Variants in CFAP221 observed in about 807,000 individuals in gnomAD.
The protein encoded by CFAP221 is cilia and flagella associated protein 221.
A neutral mutation model predicts 113.1 loss-of-function variants in CFAP221; 97 were observed. The ratio of observed to expected loss-of-function variants is 0.86; its 90% CI spans 0.73 to 1.02. CFAP221 has a LOEUF of 1.02. Among genes scored for constraint, CFAP221 ranks in the 50% least tolerant of loss-of-function variants. The pLI is 0.00. For missense variants in CFAP221, 1,025 were observed against 1,013.4 expected, an observed-to-expected ratio of 1.01 and a Z score of -0.16; for synonymous variants, 331 against 354.4, an observed-to-expected ratio of 0.93 and a Z score of 0.74.
chr2:119,656,878 C>G (rs1033259485), downstream of CFAP221, among the ~76,000 whole-genome samples: 2 of 152,034 alleles, frequency 1.3e-5, no homozygotes, highest in Non-Finnish European at 2.9e-5. Context: ...TTTGGAAGAG[C>G]AATACTGGTA....
At chr2:119,642,122 C>T (rs905535020) in intron 21 of CFAP221, among the ~76,000 whole-genome samples, 12 of 152,172 alleles carry the variant, frequency 7.9e-5, no homozygotes, top group African/African-American at 2.9e-4. Context: ...TGAGTTGTTA[C>T]TTTCAGCTTA....
intron 3 of CFAP221, among the ~76,000 whole-genome samples, chr2:119,554,258 A>G (rs919108337): frequency 3.3e-5 from 5 of 152,250 alleles, no homozygotes; most frequent in Admixed American, 6.5e-5. Flanking sequence ...GTTCATTAAC[A>G]TTTCAGATCA....
At chr2:119,576,728 T>C (rs558253769) in intron 6 of CFAP221, among the ~76,000 whole-genome samples, 5 of 152,324 alleles carry the variant, frequency 3.3e-5, no homozygotes, top group Non-Finnish European at 7.4e-5. Context: ...CACAGGAAAG[T>C]TCAAAAGAAC....
chr2:119,588,297 G>C (rs1683357432), intron 7 of CFAP221, among the ~76,000 whole-genome samples: 1 of 152,154 alleles, frequency 6.6e-6, no homozygotes, highest in East Asian at 1.9e-4. Context: ...CAGGTTTACA[G>C]GTATGACTGA....
In CFAP221 at chr2:119,627,725, C is replaced by T. The variant is rs201463389; in HGVS notation, c.1589C>T (p.Pro530Leu). The change falls in exon 16 of 24, where the codon CCC (proline) becomes CTC (leucine). Residue 530 changes from proline to leucine, a missense_variant. Coordinates refer to ENST00000413369, the MANE Select transcript of CFAP221 (RefSeq NM_001271049.2). ...TATACCAGCCGGTTCTCTGTGTCGC[C>T]CAAGGAGGTGCTGCCCTTCGCTTTC... The part of the protein sequence containing the change: ...DDYTSRFSVS[P>L]KEVLPFAFPD... 5 of 1,613,798 alleles carry T rather than the reference C, an allele frequency of 3.1e-6. No homozygotes were observed. The Admixed American group carries it at 6.7e-5, about 22-fold the overall frequency.
chr2:119,658,621 A>G (rs541451046), downstream of CFAP221, among the ~76,000 whole-genome samples: 14 of 141,710 alleles, frequency 9.9e-5, no homozygotes, highest in East Asian at 9.9e-4. Flanking sequence ...CTCAACACGC[A>G]CACACACACA....
chr2:119,658,212 G>A (rs535087055), downstream of CFAP221, among the ~76,000 whole-genome samples: 2 of 152,206 alleles, frequency 1.3e-5, no homozygotes, highest in East Asian at 3.9e-4. Flanking sequence ...TCTTTATTCA[G>A]TAGATTTTTA....
At position 119,628,878 on chromosome 2, in the gene CFAP221, A is replaced by T. The variant is rs998634126; in HGVS notation, c.1651-997A>T. ...GATAATTAATGGGGTGAAGAGGTTG[A>T]TGGGGTGGAAAGAGATCCTCACTGT... On this transcript the variant is annotated intron_variant, in intron 16 of 23. Coordinates refer to ENST00000413369, the MANE Select transcript of CFAP221 (RefSeq NM_001271049.2). Among the ~76,000 whole-genome samples, 11 of 152,192 alleles carry T rather than the reference A, an allele frequency of 7.2e-5. 1 individual carries two copies. The highest frequency in any genetic ancestry group is 2.7e-4 in the African/African-American group (11 of 41,462).
At chr2:119,605,125 C>T in intron 10 of CFAP221, 56 bp from the exon 11 acceptor site, 1 of 1,523,238 alleles carries the variant, frequency 6.6e-7, no homozygotes, top group Non-Finnish European at 9.1e-7. Flanking sequence ...GTTTTTCTCT[C>T]CGCACATGAT....
intron 6 of CFAP221, among the ~76,000 whole-genome samples, chr2:119,586,454 C>A (rs1683229537): frequency 6.6e-6 from 1 of 152,188 alleles, no homozygotes; most frequent in Non-Finnish European, 1.5e-5. Flanking sequence ...TAAGCAACAG[C>A]TTCAAGCTAG....
At chr2:119,656,677 C>G, downstream of CFAP221, 1 of 391,386 alleles carries the variant, frequency 2.6e-6, no homozygotes, top group East Asian at 4.5e-5. Context: ...TTGTTAGCTT[C>G]TTGGTGCGGT....
In CFAP221 at chr2:119,634,794, T is replaced by A. The variant is rs184616671; in HGVS notation, c.1975-3465T>A. On this transcript the variant is annotated intron_variant, in intron 19 of 23. Transcript: ENST00000413369. The stretch of plus-strand genomic sequence containing the variant: ...CCAGATTGACATAATCAAGAGTGAA[T>A]GATGGTTATCAGAGGCTGAGAGAGG... Among the ~76,000 whole-genome samples, 96 of 152,322 alleles carry A rather than the reference T, an allele frequency of 6.3e-4. 1 individual carries two copies. The highest frequency in any genetic ancestry group is 6.3e-3 in the Admixed American group (96 of 15,294).
chr2:119,547,502 T>A (rs1680132595), intron 2 of CFAP221, among the ~76,000 whole-genome samples: 1 of 152,098 alleles, frequency 6.6e-6, no homozygotes. Context: ...GAGGTTGCAG[T>A]GAGCCAAGAT....
In CFAP221 at chr2:119,589,651, A is replaced by T. The variant is rs552838100; in HGVS notation, c.631+2429A>T. ...CACACCTTCCAGGCATTTTATGCTG[A>T]AGTTTGCCAAATGAAAAAACAATTT... On this transcript the variant is annotated intron_variant, in intron 7 of 23. Coordinates refer to ENST00000413369, the MANE Select transcript of CFAP221 (RefSeq NM_001271049.2). 11 of 152,344 alleles carry T rather than the reference A, an allele frequency of 7.2e-5. No homozygotes were observed. In the East Asian group the frequency reaches 1.3e-3, roughly 19 times the overall value. The allele number at this position is 152,344 out of a possible 1,614,324, so 9.4% of individuals were successfully genotyped here. A position where few individuals can be genotyped will look rare whatever the true frequency, so the allele number is the denominator to read the frequency against.
At chr2:119,576,951 C>T (rs1682492533) in intron 6 of CFAP221, among the ~76,000 whole-genome samples, 1 of 152,220 alleles carries the variant, frequency 6.6e-6, no homozygotes, top group African/African-American at 2.4e-5. Flanking sequence ...CTGGCGAGTT[C>T]CCTGACTTTC....
chr2:119,591,526 C>G (rs184201519), intron 7 of CFAP221, among the ~76,000 whole-genome samples: 2 of 152,354 alleles, frequency 1.3e-5, no homozygotes, highest in Admixed American at 1.3e-4. Context: ...AGGTGCTGTG[C>G]TAAGCACATC....
intron 23 of CFAP221, 98 bp from the exon 24 acceptor site, chr2:119,656,264 A>G: frequency 1.1e-6 from 1 of 871,868 alleles, no homozygotes; most frequent in South Asian, 1.4e-5. Flanking sequence ...ATTAAACGAA[A>G]TGCTCCTCCG....
chr2:119,655,195 C>A (rs528086588), intron 23 of CFAP221, among the ~76,000 whole-genome samples: 1 of 152,312 alleles, frequency 6.6e-6, no homozygotes, highest in Non-Finnish European at 1.5e-5. Context: ...CAGAGAGATT[C>A]TCTGCTGCCT....
chr2:119,643,418 A>T (rs1337858572), intron 21 of CFAP221, among the ~76,000 whole-genome samples: 2 of 152,218 alleles, frequency 1.3e-5, no homozygotes, highest in African/African-American at 2.4e-5. Context: ...GTCAGTGACA[A>T]CTGAAGAAAT....
Sources: gnomAD v4.1 joint callset for allele counts (sites outside exome capture counted in the v4.1 genomes callset) on GRCh38, gnomAD v4.1.1 for gene constraint, MANE v1.5 for transcripts, NCBI Gene and HGNC (gene_info 2026-07-23, HGNC 2026-07-21) for gene names.